The following PTCHD4 variants were observed in gnomAD, a reference collection of about 807,000 sequenced individuals.
The protein encoded by PTCHD4 is patched domain-containing protein 4.
A neutral mutation model predicts 58.1 loss-of-function variants in PTCHD4; 33 were observed. That is an observed-to-expected ratio of 0.57 (90% CI 0.43 to 0.76). The LOEUF is 0.76. Ranked by LOEUF, PTCHD4 falls within the 30% of genes least tolerant of loss-of-function variation. The pLI is 0.00. For missense variants in PTCHD4, 1,058 were observed against 1,027.1 expected (o/e 1.03, Z -0.41); for synonymous variants, 478 against 409.6 (o/e 1.17, Z -2.02).
intron 4 of PTCHD4, among the ~76,000 whole-genome samples, chr6:47,952,281 C>A (rs893825345): frequency 2.0e-5 from 3 of 152,096 alleles, no homozygotes; most frequent in African/African-American, 7.2e-5. Flanking sequence ...TGTGCTGCTG[C>A]AATATTTTCT....
At chr6:48,012,918 G>A (rs946202227) in intron 3 of PTCHD4, among the ~76,000 whole-genome samples, 1 of 152,178 alleles carries the variant, frequency 6.6e-6, no homozygotes, top group Non-Finnish European at 1.5e-5. Flanking sequence ...TCCCAGGGAT[G>A]AAGCTGACTT....
At chr6:47,950,590 A>T (rs1036852196) in intron 4 of PTCHD4, among the ~76,000 whole-genome samples, 1 of 152,076 alleles carries the variant, frequency 6.6e-6, no homozygotes, top group African/African-American at 2.4e-5. Context: ...ATGAGGTTTT[A>T]AAAAAAAGAT....
chr6:47,862,205 C>T lies in PTCHD4; in HGVS notation c.*16098G>A, dbSNP rs1347878337. Among the ~76,000 whole-genome samples, 4 of 150,096 alleles carry T rather than the reference C, an allele frequency of 2.7e-5. No homozygotes were observed. Among genetic ancestry groups the T allele is most frequent in the Non-Finnish European group, 4.4e-5 (3 of 67,458 alleles). On this transcript the variant is annotated 3_prime_UTR_variant, in exon 5 of 5. Transcript: ENST00000339488. ...GCCTGATGGATTTTTAATGAATTATCGGTTTTGCCAATCATTACTTTTGTT... is the reference window on the plus strand; with the variant it reads ...GCCTGATGGATTTTTAATGAATTATTGGTTTTGCCAATCATTACTTTTGTT...
intron 3 of PTCHD4, among the ~76,000 whole-genome samples, chr6:48,015,964 G>C (rs1762852840): frequency 6.6e-6 from 1 of 151,872 alleles, no homozygotes; most frequent in South Asian, 2.1e-4. Context: ...ACAGATCAAG[G>C]TGCCTGAGAA....
chr6:47,992,551 G>A (rs1768320994), intron 4 of PTCHD4, among the ~76,000 whole-genome samples: 1 of 152,080 alleles, frequency 6.6e-6, no homozygotes. Flanking sequence ...ACACATGCAG[G>A]TTTTATACAG....
intron 4 of PTCHD4, among the ~76,000 whole-genome samples, chr6:47,982,479 C>CT (rs1767913796): frequency 9.3e-6 from 1 of 107,780 alleles, no homozygotes; most frequent in South Asian, 3.2e-4. Flanking sequence ...TTTTATCTCT[C>CT]TCTTTTTTTT....
In PTCHD4 at chr6:47,878,660, G is replaced by A. The variant is rs761246460; in HGVS notation, c.2175C>T (p.His725=). The A allele has an allele frequency of 4.3e-6, 7 of 1,613,520 alleles. No homozygotes were observed. The highest frequency in any genetic ancestry group is 1.3e-5 in the African/African-American group (1 of 74,904). ...LIYTLNFAID[H]CAPLLFTFVL... is the part of the protein sequence containing the mutation. ...CAAATGTGAAAAGCAGTGGTGCACAGTGGTCAATGGCGAAATTCAAGGTGT... is the reference window on the plus strand; with the variant it reads ...CAAATGTGAAAAGCAGTGGTGCACAATGGTCAATGGCGAAATTCAAGGTGT... The change falls in exon 5 of 5, where the codon CAC becomes CAT. Residue 725 remains histidine (H), a synonymous_variant. Coordinates refer to ENST00000339488, the MANE Select transcript of PTCHD4 (RefSeq NM_001384253.1).
At chr6:47,909,410 A>G (rs570425351) in intron 4 of PTCHD4, among the ~76,000 whole-genome samples, 1 of 152,288 alleles carries the variant, frequency 6.6e-6, no homozygotes, top group East Asian at 1.9e-4. Context: ...TAAGCATGCA[A>G]TGCATATTTT....
At chr6:47,923,114 G>C (rs555322622) in intron 4 of PTCHD4, among the ~76,000 whole-genome samples, 7 of 152,036 alleles carry the variant, frequency 4.6e-5, no homozygotes, top group Non-Finnish European at 1.0e-4. Context: ...TTAATAGCTG[G>C]AAAATTCATC....
chr6:48,030,273 T>C (rs994768280), intron 3 of PTCHD4, among the ~76,000 whole-genome samples: 68 of 152,158 alleles, frequency 4.5e-4, no homozygotes, highest in African/African-American at 1.6e-3. Flanking sequence ...GAAACAAGGG[T>C]GACTGTAGAG....
rs900943543 is a variant in PTCHD4, at chr6:47,873,890, C to T, written c.*4413G>A. Among the ~76,000 whole-genome samples the T allele has an allele frequency of 9.2e-5, 14 of 151,652 alleles. No individual in the cohort carries two copies. Among genetic ancestry groups the T allele is most frequent in the African/African-American group, 3.4e-4 (14 of 41,370 alleles). On this transcript the variant is annotated 3_prime_UTR_variant, in exon 5 of 5. Coordinates refer to ENST00000339488, the MANE Select transcript of PTCHD4 (RefSeq NM_001384253.1). ...GTTTGTAAAGGGAAGAAAAGTGCTT[C>T]TGAGGCTCTTTTGGAATAAGTAACA...
intron 3 of PTCHD4, among the ~76,000 whole-genome samples, chr6:48,021,147 A>G (rs1356220423): frequency 6.6e-6 from 1 of 152,112 alleles, no homozygotes; most frequent in Non-Finnish European, 1.5e-5. Context: ...TATAAAATCT[A>G]TATTTTCTTT....
intron 4 of PTCHD4, among the ~76,000 whole-genome samples, chr6:47,974,659 C>T (rs1426930690): frequency 6.6e-6 from 1 of 152,084 alleles, no homozygotes; most frequent in Non-Finnish European, 1.5e-5. Context: ...GCAAAATTGC[C>T]CCTGGTTGAG....
intron 4 of PTCHD4, among the ~76,000 whole-genome samples, chr6:47,910,579 C>T (rs1765038364): frequency 1.3e-5 from 2 of 152,050 alleles, no homozygotes; most frequent in South Asian, 4.1e-4. Context: ...ATTCTTTTAG[C>T]TTTGGTTCTT....
chr6:48,051,335 A>G (rs1475903892), intron 3 of PTCHD4, among the ~76,000 whole-genome samples: 6 of 151,996 alleles, frequency 3.9e-5, no homozygotes, highest in Admixed American at 3.3e-4. Flanking sequence ...AAAATGCTCA[A>G]CATCTTAGCT....
intron 4 of PTCHD4, 46 bp from the exon 5 acceptor site, chr6:47,879,982 T>C (rs183952995): frequency 6.3e-4 from 855 of 1,357,514 alleles, no homozygotes; most frequent in Admixed American, 1.1e-3. Context: ...TATTTCCTCC[T>C]ATGGCTCAAG....
chr6:47,944,676 T>C (rs1036735994), intron 4 of PTCHD4, among the ~76,000 whole-genome samples: 1 of 152,116 alleles, frequency 6.6e-6, no homozygotes, highest in Admixed American at 6.6e-5. Context: ...CATCATGTTA[T>C]TCTTTAGGCT....
At chr6:48,096,254 T>C (rs557780586) in intron 1 of PTCHD4, among the ~76,000 whole-genome samples, 2 of 152,138 alleles carry the variant, frequency 1.3e-5, no homozygotes, top group South Asian at 4.2e-4. Flanking sequence ...AGAGATTGAA[T>C]GTGGAAGAAA....
chr6:48,046,743 T>G, intron 3 of PTCHD4, among the ~76,000 whole-genome samples: 1 of 151,868 alleles, frequency 6.6e-6, no homozygotes, highest in Non-Finnish European at 1.5e-5. Flanking sequence ...ACTTGTCAAT[T>G]TTCAAATAAA....
Sources: gnomAD v4.1 joint callset for allele counts (sites outside exome capture counted in the v4.1 genomes callset) on GRCh38, gnomAD v4.1.1 for gene constraint, MANE v1.5 for transcripts, NCBI Gene and HGNC (gene_info 2026-07-23, HGNC 2026-07-21) for gene names.